Variants in ETS1 observed in about 807,000 individuals in gnomAD.
ETS1 encodes ETS proto-oncogene 1, transcription factor, also known as protein C-ets-1.
A neutral mutation model predicts 58.6 loss-of-function variants in ETS1; 15 were observed. The observed-to-expected ratio is 0.26, with a 90% CI of 0.17 to 0.39. The LOEUF (loss-of-function observed/expected upper bound fraction) is 0.39, where lower values mean the gene tolerates loss of function less well. Among genes scored for constraint, ETS1 ranks in the 10% least tolerant of loss-of-function variants. The pLI is 1.00. For missense variants in ETS1, 417 were observed against 610.5 expected (o/e 0.68, Z 3.34); for synonymous variants, 214 against 218.2 (o/e 0.98, Z 0.17).
intron 2 of ETS1, among the ~76,000 whole-genome samples, chr11:128,557,952 A>G (rs1011443788): frequency 3.9e-5 from 6 of 152,192 alleles, no homozygotes; most frequent in African/African-American, 1.4e-4. Context: ...CCAATTTGCA[A>G]TGGCCCATTC....
chr11:128,504,826 T>C (rs1863187793), intron 3 of ETS1, among the ~76,000 whole-genome samples: 1 of 152,220 alleles, frequency 6.6e-6, no homozygotes, highest in Non-Finnish European at 1.5e-5. Context: ...CCCCAAGTTA[T>C]TAAGAATCAC....
intron 3 of ETS1, among the ~76,000 whole-genome samples, chr11:128,502,538 T>G (rs572840381): frequency 6.6e-6 from 1 of 152,340 alleles, no homozygotes; most frequent in East Asian, 1.9e-4. Context: ...GAAAGTTCCC[T>G]CCTCATTTCT....
intron 8 of ETS1, among the ~76,000 whole-genome samples, chr11:128,478,185 T>A (rs1001015386): frequency 1.3e-5 from 2 of 151,730 alleles, no homozygotes; most frequent in African/African-American, 2.4e-5. Context: ...TAAGAGATAA[T>A]CACCACCCCT....
In ETS1 at chr11:128,459,415, G is replaced by C. The variant is rs894525331; in HGVS notation, c.*2946C>G. On this transcript the variant is annotated 3_prime_UTR_variant, in exon 10 of 10. Transcript: ENST00000392668. The stretch of plus-strand genomic sequence containing the variant: ...CTCCAAAGTGAGGAAAAGCACATCT[G>C]ATCTTTGAATGCTACCTCCAATCCC... 1 of 152,742 alleles carries C rather than the reference G, an allele frequency of 6.5e-6. No individual in the cohort carries two copies. Among genetic ancestry groups the C allele is most frequent in the African/African-American group, 2.4e-5 (1 of 41,436 alleles). 9.5% of individuals were successfully genotyped at this position (152,742 alleles called of 1,614,324 possible).
intron 3 of ETS1, among the ~76,000 whole-genome samples, chr11:128,555,356 CCAAA>C: frequency 6.6e-6 from 1 of 152,276 alleles, no homozygotes; most frequent in Admixed American, 6.5e-5. Flanking sequence ...TAACACTGAA[CCAAA>C]AAGTAGCCTT....
intron 3 of ETS1, among the ~76,000 whole-genome samples, chr11:128,497,229 T>C (rs1862967931): frequency 1.3e-5 from 2 of 152,166 alleles, no homozygotes; most frequent in South Asian, 4.1e-4. Flanking sequence ...AGTCTCAAGT[T>C]ACAGTATCTC....
chr11:128,575,246 A>G (rs1164184317), intron 1 of ETS1, among the ~76,000 whole-genome samples: 2 of 152,254 alleles, frequency 1.3e-5, no homozygotes, highest in Non-Finnish European at 2.9e-5. Context: ...TAACAACAAT[A>G]ACTAATACAT....
At chr11:128,578,396 C>G (rs1403760295) in intron 1 of ETS1, among the ~76,000 whole-genome samples, 1 of 152,084 alleles carries the variant, frequency 6.6e-6, no homozygotes, top group African/African-American at 2.4e-5. Context: ...ATCAGTTAAG[C>G]CTTTTTCATT....
intron 8 of ETS1, among the ~76,000 whole-genome samples, chr11:128,465,342 C>T (rs189485404): frequency 7.2e-5 from 11 of 152,292 alleles, no homozygotes; most frequent in Admixed American, 5.2e-4. Flanking sequence ...CCCAGAGGGC[C>T]GCACTGGTAA....
chr11:128,543,151 C>T (rs1034555422), intron 3 of ETS1, among the ~76,000 whole-genome samples: 1 of 151,140 alleles, frequency 6.6e-6, no homozygotes, highest in African/African-American at 2.4e-5. Flanking sequence ...CCAGATCGTG[C>T]CATTGCACTC....
chr11:128,522,390 C>A, intron 3 of ETS1: 2 of 979,330 alleles, frequency 2.0e-6, no homozygotes, highest in Middle Eastern at 5.2e-4. Context: ...GCGTCTCGGC[C>A]GCTGGGTCCG....
At chr11:128,486,836 G>C (rs557259425) in intron 5 of ETS1, among the ~76,000 whole-genome samples, 1 of 152,224 alleles carries the variant, frequency 6.6e-6, no homozygotes, top group East Asian at 1.9e-4. Context: ...AGCTCTGAAC[G>C]ACCCTGCAGT....
chr11:128,540,320 C>CAAAAAA (rs112191021), intron 3 of ETS1, among the ~76,000 whole-genome samples: 3 of 83,888 alleles, frequency 3.6e-5, no homozygotes, highest in African/African-American at 9.9e-5. Flanking sequence ...AATTCCATCT[C>CAAAAAA]AAAAAAAAAA....
chr11:128,514,465 C>T (rs753718462), intron 3 of ETS1, among the ~76,000 whole-genome samples: 12 of 152,150 alleles, frequency 7.9e-5, no homozygotes, highest in Admixed American at 5.9e-4. Flanking sequence ...ATTCTTCCCA[C>T]GCTGCTCTCT....
intron 3 of ETS1, among the ~76,000 whole-genome samples, chr11:128,494,274 T>A (rs1255674427): frequency 1.3e-5 from 2 of 152,188 alleles, no homozygotes; most frequent in Admixed American, 6.5e-5. Flanking sequence ...GACATAAATA[T>A]ATTGCAATTA....
intron 8 of ETS1, among the ~76,000 whole-genome samples, chr11:128,469,309 T>C (rs1387545811): frequency 1.3e-5 from 2 of 152,236 alleles, no homozygotes; most frequent in Non-Finnish European, 2.9e-5. Flanking sequence ...TCTGCCCTGA[T>C]AGCACACATC....
At chr11:128,575,089 C>A (rs1280951666) in intron 1 of ETS1, among the ~76,000 whole-genome samples, 1 of 152,186 alleles carries the variant, frequency 6.6e-6, no homozygotes, top group Admixed American at 6.5e-5. Context: ...ACAGTAGTCT[C>A]CCCTTACCCA....
chr11:128,509,372 C>A (rs1342484679), intron 3 of ETS1, among the ~76,000 whole-genome samples: 2 of 152,190 alleles, frequency 1.3e-5, no homozygotes, highest in African/African-American at 4.8e-5. Flanking sequence ...TGCCTCTGAA[C>A]ATCCCCTCCC....
intron 3 of ETS1, among the ~76,000 whole-genome samples, chr11:128,533,677 C>G (rs1863932846): frequency 6.6e-6 from 1 of 152,156 alleles, no homozygotes; most frequent in African/African-American, 2.4e-5. Flanking sequence ...ATCACCTCCC[C>G]CATGGTTTCC....
Sources: gnomAD v4.1 joint callset for allele counts (sites outside exome capture counted in the v4.1 genomes callset) on GRCh38, gnomAD v4.1.1 for gene constraint, MANE v1.5 for transcripts, NCBI Gene and HGNC (gene_info 2026-07-23, HGNC 2026-07-21) for gene names.